DLGAP4: variants seen among roughly 807,000 people sequenced by gnomAD.
DLGAP4 encodes the protein DLG associated protein 4.
Under a neutral mutation model 86.9 loss-of-function variants are expected in DLGAP4, and 18 were observed. The observed-to-expected ratio is 0.21, with a 90% CI of 0.14 to 0.31. The LOEUF (loss-of-function observed/expected upper bound fraction) is 0.31, where lower values mean the gene tolerates loss of function less well. Among genes scored for constraint, DLGAP4 ranks in the 10% least tolerant of loss-of-function variants. The pLI is 1.00. For synonymous variants in DLGAP4, 548 were observed against 574.3 expected (o/e 0.95, Z 0.65); for missense variants, 1,085 against 1,362.6 (o/e 0.80, Z 3.21).
chr20:36,481,752 G>C (rs1042493183), intron 7 of DLGAP4, among the ~76,000 whole-genome samples: 28 of 151,968 alleles, frequency 1.8e-4, no homozygotes, highest in African/African-American at 6.3e-4. Flanking sequence ...TCTGTCTTCA[G>C]GTTCCAGTTT....
chr20:36,505,957 A>G (rs1035873349), intron 10 of DLGAP4, among the ~76,000 whole-genome samples: 3 of 152,178 alleles, frequency 2.0e-5, no homozygotes, highest in Non-Finnish European at 4.4e-5. Flanking sequence ...AAATTGATAC[A>G]TAAGTAGATC....
At chr20:36,489,171 C>T (rs1017112655) in intron 7 of DLGAP4, among the ~76,000 whole-genome samples, 1 of 152,198 alleles carries the variant, frequency 6.6e-6, no homozygotes, top group Non-Finnish European at 1.5e-5. Context: ...CCTTGTTCCA[C>T]CTCAGCTGGG....
Position 36,328,795 on chromosome 20 carries a change from AAGACGGAGTCTCTC to A in DLGAP4, c.-304+22284_-304+22297del, listed in dbSNP as rs555380987. 2.5e-3 allele frequency among the ~76,000 whole-genome samples: 368 copies of A among 146,448 alleles called. 5 individuals carry two copies. The South Asian group carries it at 0.043, about 17-fold the overall frequency. On this transcript the variant is annotated intron_variant, in intron 1 of 12. Coordinates refer to ENST00000339266, the MANE Select transcript of DLGAP4 (RefSeq NM_001365621.2). Reference sequence around the variant, plus strand: ...CCAGCTAATTTTTTTTTTTTTTCTTAAGACGGAGTCTCTCTCTATTATCCAGATGGAATACAGTG... The same window carrying A: ...CCAGCTAATTTTTTTTTTTTTTCTTATCTATTATCCAGATGGAATACAGTG...
At chr20:36,323,090 A>G (rs1330955979) in intron 1 of DLGAP4, among the ~76,000 whole-genome samples, 5 of 141,910 alleles carry the variant, frequency 3.5e-5, no homozygotes, top group Non-Finnish European at 6.1e-5. Flanking sequence ...AGGTGGGAGG[A>G]TCGCTTGAGC....
At chr20:36,340,864 G>A (rs2065372771) in intron 1 of DLGAP4, among the ~76,000 whole-genome samples, 1 of 152,174 alleles carries the variant, frequency 6.6e-6, no homozygotes, top group Non-Finnish European at 1.5e-5. Flanking sequence ...TGTCACCAGA[G>A]GAGTGAGTCA....
chr20:36,330,002 T>G (rs1555891367), intron 1 of DLGAP4, among the ~76,000 whole-genome samples: 3 of 145,378 alleles, frequency 2.1e-5, no homozygotes, highest in Non-Finnish European at 4.5e-5. Context: ...CCAGCCTGGG[T>G]GACAGAGCAA....
At chr20:36,491,393 C>T (rs969815498) in intron 7 of DLGAP4, among the ~76,000 whole-genome samples, 2 of 152,110 alleles carry the variant, frequency 1.3e-5, no homozygotes, top group Non-Finnish European at 2.9e-5. Flanking sequence ...CATCGCACAA[C>T]TGGCTTGTGT....
chr20:36,451,200 A>T (rs1228795772), intron 7 of DLGAP4, among the ~76,000 whole-genome samples: 3 of 152,188 alleles, frequency 2.0e-5, no homozygotes. Flanking sequence ...GATTCCCTGT[A>T]ACTTCGAGTG....
chr20:36,406,779 G>T (rs2032336427), intron 2 of DLGAP4, among the ~76,000 whole-genome samples: 1 of 152,164 alleles, frequency 6.6e-6, no homozygotes, highest in Non-Finnish European at 1.5e-5. Context: ...GCAGTGGGCT[G>T]CAGACCCTGG....
chr20:36,331,136 C>T (rs1001092830), intron 1 of DLGAP4, among the ~76,000 whole-genome samples: 2 of 152,208 alleles, frequency 1.3e-5, no homozygotes, highest in African/African-American at 2.4e-5. Context: ...CTTCCTCTCT[C>T]ACCTGTGGGG....
intron 1 of DLGAP4, among the ~76,000 whole-genome samples, chr20:36,327,843 G>A (rs1288934238): frequency 8.1e-5 from 12 of 147,668 alleles, no homozygotes; most frequent in South Asian, 6.3e-4. Context: ...CGCCCGCCTC[G>A]GCCTCCCAAA....
At chr20:36,337,691 C>A (rs1363635968) in intron 1 of DLGAP4, among the ~76,000 whole-genome samples, 2 of 152,180 alleles carry the variant, frequency 1.3e-5, no homozygotes, top group Non-Finnish European at 1.5e-5. Flanking sequence ...TGCTTCCCCC[C>A]CAGGATGTTT....
At chr20:36,359,490 C>A (rs576841078) in intron 1 of DLGAP4, among the ~76,000 whole-genome samples, 4 of 152,286 alleles carry the variant, frequency 2.6e-5, no homozygotes, top group Admixed American at 2.0e-4. Flanking sequence ...TCCGCAGGGG[C>A]TTCTGAGACT....
At chr20:36,331,696 C>T (rs1453290240) in intron 1 of DLGAP4, among the ~76,000 whole-genome samples, 1 of 152,230 alleles carries the variant, frequency 6.6e-6, no homozygotes, top group Non-Finnish European at 1.5e-5. Flanking sequence ...CTACTGTGTG[C>T]CCTGGAGACA....
chr20:36,520,637 A>G (rs2037318920), intron 10 of DLGAP4, among the ~76,000 whole-genome samples: 1 of 152,036 alleles, frequency 6.6e-6, no homozygotes, highest in Admixed American at 6.6e-5. Context: ...ATAAGCCACC[A>G]CACCCAGCTT....
At chr20:36,382,841 C>G (rs2031453999) in intron 2 of DLGAP4, among the ~76,000 whole-genome samples, 1 of 152,000 alleles carries the variant, frequency 6.6e-6, no homozygotes, top group South Asian at 2.1e-4. Flanking sequence ...GCTTGGTTTT[C>G]TTATCAGCAA....
At chr20:36,377,482 G>A (rs1212073536) in intron 2 of DLGAP4, among the ~76,000 whole-genome samples, 1 of 152,204 alleles carries the variant, frequency 6.6e-6, no homozygotes, top group Non-Finnish European at 1.5e-5. Flanking sequence ...CCCAGATTTG[G>A]CGCATAGCAA....
At chr20:36,430,951 T>C (rs1751445425) in intron 2 of DLGAP4, among the ~76,000 whole-genome samples, 1 of 91,738 alleles carries the variant, frequency 1.1e-5, no homozygotes. Context: ...TGAGACTCTG[T>C]CTCTAAAAAA....
rs1313008179 is a variant in DLGAP4, at chr20:36,488,096, A to T, written c.1649-8609A>T. Among the ~76,000 whole-genome samples, 15 of 151,182 alleles carry T rather than the reference A, an allele frequency of 9.9e-5. No homozygotes were observed. The Admixed American group carries it at 9.9e-4, about 10-fold the overall frequency. On this transcript the variant is annotated intron_variant, in intron 7 of 12. Transcript: ENST00000339266. ...GCGCCTATAATCCCAGCTACTCAGGAGGCTGAGGCAGGAGAATCGCTTGAA... is the reference window on the plus strand; with the variant it reads ...GCGCCTATAATCCCAGCTACTCAGGTGGCTGAGGCAGGAGAATCGCTTGAA...
Sources: gnomAD v4.1 joint callset for allele counts (sites outside exome capture counted in the v4.1 genomes callset) on GRCh38, gnomAD v4.1.1 for gene constraint, MANE v1.5 for transcripts, NCBI Gene and HGNC (gene_info 2026-07-23, HGNC 2026-07-21) for gene names.